Variants in ATG9B observed in about 807,000 individuals in gnomAD.
ATG9B encodes autophagy-related protein 9B.
Under a neutral mutation model 92.9 loss-of-function variants are expected in ATG9B, and 92 were observed. The ratio of observed to expected loss-of-function variants is 0.99; its 90% confidence interval spans 0.84 to 1.18. The LOEUF is 1.18. Ranked by LOEUF, ATG9B falls within the 50% of genes most tolerant of loss-of-function variation. The pLI, the probability that ATG9B is intolerant of heterozygous loss-of-function variation, is 0.00. For synonymous variants in ATG9B, 599 were observed against 551.4 expected, an observed-to-expected ratio of 1.09 and a Z score of -1.21; for missense variants, 1,344 against 1,235.0, an observed-to-expected ratio of 1.09 and a Z score of -1.32.
chr7:151,019,406 C>T, intron 5 of ATG9B, 32 bp from the exon 6 acceptor site: 1 of 1,496,998 alleles, frequency 6.7e-7, no homozygotes, highest in South Asian at 1.3e-5. Context: ...GCCAGCGACC[C>T]CCCATTCCTC....
rs1444342934 is a variant in ATG9B at position 151,024,117 on chromosome 7, G to T, written c.307C>A (p.Pro103Thr). 6.2e-7 allele frequency: 1 copy of T among 1,601,338 alleles called. No individual in the cohort carries two copies. Among genetic ancestry groups the T allele is most frequent in the East Asian group, 2.2e-5 (1 of 44,764 alleles). ...GATGCAGAGGCAGGTGTCATTGCAG[G>T]TTGAGCCTGTGTTGGGGGGGTGGCT... ...IPATPPTQAQ[P>T]AMTPASASPS... Residue 103 changes from proline to threonine, a missense_variant, in exon 1 of 14, where the codon CCT becomes ACT. Physicochemically the swap from Pro to Thr is conservative, Grantham distance 38. Transcript: ENST00000639579.
chr7:151,024,093 A>G lies in ATG9B; in HGVS notation c.331T>C (p.Ser111Pro). ...AQPAMTPASA[S>P]PSWGSHSTPP... Reference sequence around the variant, plus strand: ...GTGGAGTGGGATCCCCAGGAGGGAGATGCAGAGGCAGGTGTCATTGCAGGT... The same window carrying G: ...GTGGAGTGGGATCCCCAGGAGGGAGGTGCAGAGGCAGGTGTCATTGCAGGT... Residue 111 changes from serine (S) to proline (P), a missense_variant, in exon 1 of 14, where the codon TCT becomes CCT. Coordinates refer to ENST00000639579, the MANE Select transcript of ATG9B (RefSeq NM_001317056.2). 1 of 1,605,746 alleles carries G rather than the reference A, an allele frequency of 6.2e-7. No individual in the cohort carries two copies. Among genetic ancestry groups the G allele is most frequent in the African/African-American group, 1.3e-5 (1 of 74,844 alleles).
At chr7:151,016,983 G>A in intron 9 of ATG9B, 53 bp downstream of exon 9, 3 of 1,536,896 alleles carry the variant, frequency 2.0e-6, no homozygotes, top group Non-Finnish European at 1.8e-6. Flanking sequence ...GGAAGGGTTT[G>A]GAGAGGAGTT....
intron 2 of ATG9B, 77 bp from the exon 3 acceptor site, chr7:151,023,586 C>T (rs1027640767): frequency 2.5e-6 from 4 of 1,610,764 alleles, no homozygotes; most frequent in Non-Finnish European, 2.5e-6. Flanking sequence ...CCCAACAAGT[C>T]TCCCACCCAT....
chr7:151,016,360 C>G (rs2117152641), intron 11 of ATG9B, 71 bp downstream of exon 11: 1 of 1,520,712 alleles, frequency 6.6e-7, no homozygotes, highest in Admixed American at 2.0e-5. Context: ...GTAGACTCCA[C>G]CCCACCTCAG....
Position 151,024,229 on chromosome 7 carries a change from T to G in ATG9B, c.195A>C (p.Ser65=). 3 of 1,463,218 alleles carry G rather than the reference T, an allele frequency of 2.1e-6. No individual in the cohort carries two copies. Among genetic ancestry groups the G allele is most frequent in the African/African-American group, 1.4e-5 (1 of 69,736 alleles). The allele number at this position is 1,463,218 out of a possible 1,614,324, so 90.6% of individuals were successfully genotyped here. A position where few individuals can be genotyped will look rare whatever the true frequency, so the allele number is the denominator to read the frequency against. The change falls in exon 1 of 14, where the codon TCA becomes TCC. Residue 65 remains serine (S), a synonymous_variant. Coordinates refer to ENST00000639579, the MANE Select transcript of ATG9B (RefSeq NM_001317056.2). ...GGGGCCCTGCGGTGGGAGGGGAAAA[T>G]GAGGAGGGGGAGCTTCTTGTATGAG... ...PAPHTRSSPS[S]FSPPTAGPPC... is the part of the protein sequence containing the mutation.
chr7:151,015,751 G>A, intron 13 of ATG9B, 38 bp from the exon 14 acceptor site: 2 of 1,291,092 alleles, frequency 1.5e-6, no homozygotes, highest in Non-Finnish European at 1.0e-6. Context: ...CAGTCCAGGG[G>A]TCTAGATTCC....
downstream of ATG9B, chr7:151,013,531 G>A (rs1213306841): frequency 3.5e-6 from 4 of 1,128,308 alleles, no homozygotes; most frequent in African/African-American, 1.6e-5. Flanking sequence ...CTTGTGCCCC[G>A]GCCCCTCTAG....
In ATG9B at chr7:151,016,160, G is replaced by A; in HGVS notation, c.2596C>T (p.Pro866Ser). 1.9e-6 allele frequency: 3 copies of A among 1,539,830 alleles called. No homozygotes were observed. The highest frequency in any genetic ancestry group is 1.2e-5 in the South Asian group (1 of 82,400). ...ASILSRPCSS[P>S]SQPPSPDEEK... Reference sequence around the variant, plus strand: ...TCATCAGGCGAGGGTGGCTGTGAGGGGCTGGAGCAGGGCCTGGACAGGATG... The same window carrying A: ...TCATCAGGCGAGGGTGGCTGTGAGGAGCTGGAGCAGGGCCTGGACAGGATG... Residue 866 changes from proline (P) to serine (S), a missense_variant, in exon 12 of 14, where the codon CCC (proline) becomes TCC (serine). Physicochemically the swap from Pro to Ser is moderately conservative, Grantham distance 74. Transcript: ENST00000639579.
rs752531227 is a variant in ATG9B at position 151,024,004 on chromosome 7, C to G, written c.420G>C (p.Leu140=). The G allele has an allele frequency of 1.9e-6, 3 of 1,593,898 alleles. No individual in the cohort carries two copies. Residue 140 remains leucine (L), a synonymous_variant, in exon 1 of 14, where the codon CTG becomes CTC. Coordinates refer to ENST00000639579, the MANE Select transcript of ATG9B (RefSeq NM_001317056.2). The part of the protein sequence containing the change: ...SQQCPQDSPG[L]RVGPLIPEQD... Reference sequence around the variant, plus strand: ...GTTCAGGGATCAAAGGGCCTACCCGCAGCCCAGGAGAGTCCTGGGGGCACT... The same window carrying G: ...GTTCAGGGATCAAAGGGCCTACCCGGAGCCCAGGAGAGTCCTGGGGGCACT...
downstream of ATG9B, chr7:151,013,503 T>C (rs1160582532): frequency 7.7e-7 from 1 of 1,290,572 alleles, no homozygotes; most frequent in African/African-American, 1.5e-5. Context: ...CAGCCACCCC[T>C]GCACACTCTG....
chr7:151,013,522 T>G, downstream of ATG9B: 1 of 1,203,428 alleles, frequency 8.3e-7, no homozygotes, highest in Non-Finnish European at 1.1e-6. Context: ...TGGCCCACCC[T>G]TGTGCCCCGG....
In ATG9B at chr7:151,019,028, C is replaced by A. The variant is rs761918640; in HGVS notation, c.1310G>T (p.Arg437Leu). The change falls in exon 6 of 14, where the codon CGC becomes CTC. Residue 437 changes from arginine (R) to leucine (L), a missense_variant. By Grantham distance (102) the Arg-to-Leu change is moderately radical. Coordinates refer to ENST00000639579, the MANE Select transcript of ATG9B (RefSeq NM_001317056.2). Reference sequence around the variant, plus strand: ...CAGGGCGGCCAGCAGCAGCACTGTGCGCCCCCAGCGCGCTGCTAGGGCGCC... The same window carrying A: ...CAGGGCGGCCAGCAGCAGCACTGTGAGCCCCCAGCGCGCTGCTAGGGCGCC... ...QRGALAARWG[R>L]TVLLLAALNL... is the part of the protein sequence containing the mutation. 2.7e-5 allele frequency: 41 copies of A among 1,546,202 alleles called. No individual in the cohort carries two copies. The Middle Eastern group carries it at 1.4e-3, about 51-fold the overall frequency.
At chr7:151,020,519 C>T (rs550680523) in intron 5 of ATG9B, among the ~76,000 whole-genome samples, 168 of 152,354 alleles carry the variant, frequency 1.1e-3, no homozygotes, top group Middle Eastern at 0.01. Flanking sequence ...CCTTGCTGCA[C>T]ATAAAGGCTG....
downstream of ATG9B, chr7:151,014,205 C>A: frequency 6.4e-7 from 1 of 1,567,532 alleles, no homozygotes. Flanking sequence ...TCCGGGAGAG[C>A]GGCTGCCCGA....
chr7:151,023,548 G>A (rs897843982), intron 2 of ATG9B, 39 bp from the exon 3 acceptor site: 2 of 1,612,332 alleles, frequency 1.2e-6, no homozygotes, highest in Non-Finnish European at 8.5e-7. Flanking sequence ...GGCACGGGGG[G>A]CCTCTCCTGA....
chr7:151,016,144 G>T lies in ATG9B; in HGVS notation c.2612C>A (p.Ser871Ter). ...CCAGGATGGCTTCTCCTCATCAGGC[G>T]AGGGTGGCTGTGAGGGGCTGGAGCA... ...RPCSSPSQPP[S>*]PDEEKPSWSS... Residue 871 changes from serine (S) to a stop codon, truncating the protein, a stop_gained, in exon 12 of 14, where the codon TCG (serine) becomes TAG (stop). Transcript: ENST00000639579. LOFTEE classifies it high-confidence loss of function. 6.5e-7 allele frequency: 1 copy of T among 1,540,866 alleles called. No homozygotes were observed.
chr7:151,013,313 C>T (rs141415941), downstream of ATG9B: 3 of 1,613,966 alleles, frequency 1.9e-6, no homozygotes, highest in African/African-American at 2.7e-5. Flanking sequence ...AGGTGCAGAA[C>T]GCCCAGCAGC....
At chr7:151,013,798 CAT>C, downstream of ATG9B, 4 of 1,610,982 alleles carry the variant, frequency 2.5e-6, no homozygotes, top group African/African-American at 1.3e-5. Flanking sequence ...AGCGGGGCCA[CAT>C]GTTTGTCTGC....
Sources: allele counts gnomAD v4.1 joint callset (sites outside exome capture counted in the v4.1 genomes callset), GRCh38; gene constraint gnomAD v4.1.1; transcripts MANE v1.5; gene names NCBI Gene and HGNC (gene_info 2026-07-23, HGNC 2026-07-21).